The following PIEZO1 variants were observed in gnomAD, a reference collection of about 807,000 sequenced individuals.
PIEZO1 encodes piezo type mechanosensitive ion channel component 1 (Er blood group).
A neutral mutation model predicts 297.2 loss-of-function variants in PIEZO1; 296 were observed. The ratio of observed to expected loss-of-function variants is 1.00; its 90% CI spans 0.91 to 1.10. The LOEUF (loss-of-function observed/expected upper bound fraction) is 1.10, where lower values mean the gene tolerates loss of function less well. Among genes scored for constraint, PIEZO1 ranks in the 50% least tolerant of loss-of-function variants. The pLI, the probability that PIEZO1 is intolerant of heterozygous loss-of-function variation, is 0.00. For missense variants in PIEZO1, 5,018 were observed against 3,455.5 expected (o/e 1.45, Z -11.34); for synonymous variants, 2,427 against 1,507.5 (o/e 1.61, Z -14.13).
chr16:88,746,710 C>T (rs1906077516), intron 2 of PIEZO1, among the ~76,000 whole-genome samples: 1 of 152,266 alleles, frequency 6.6e-6, no homozygotes, highest in South Asian at 2.1e-4. Context: ...TCTGACGAGG[C>T]TCAGGCAGGG....
At chr16:88,756,183 C>T (rs2142875681) in intron 1 of PIEZO1, among the ~76,000 whole-genome samples, 1 of 152,296 alleles carries the variant, frequency 6.6e-6, no homozygotes, top group African/African-American at 2.4e-5. Context: ...GTCCACTCCT[C>T]ACGGGCACCA....
chr16:88,733,034 T>C, intron 19 of PIEZO1: 1 of 582,724 alleles, frequency 1.7e-6, no homozygotes, highest in East Asian at 2.8e-5. Context: ...CCTCCCGTCC[T>C]CACTGCCGGA....
At chr16:88,720,937 G>A (rs1912393216) in intron 39 of PIEZO1, among the ~76,000 whole-genome samples, 189 bp from the exon 40 acceptor site, 1 of 152,184 alleles carries the variant, frequency 6.6e-6, no homozygotes, top group East Asian at 1.9e-4. Context: ...ACTGTGAGGG[G>A]CCAGCCCAGG....
At chr16:88,767,090 C>A (rs541194403) in intron 1 of PIEZO1, among the ~76,000 whole-genome samples, 1 of 152,378 alleles carries the variant, frequency 6.6e-6, no homozygotes, top group African/African-American at 2.4e-5. Context: ...CTTCTCCGAT[C>A]GATTGGCTTC....
intron 1 of PIEZO1, among the ~76,000 whole-genome samples, chr16:88,759,680 G>C (rs898813056): frequency 6.6e-6 from 1 of 152,226 alleles, no homozygotes; most frequent in Non-Finnish European, 1.5e-5. Flanking sequence ...CCCAGACCCA[G>C]AGGGGCCATG....
chr16:88,784,842 C>G, intron 1 of PIEZO1, 59 bp downstream of exon 1: 1 of 1,240,486 alleles, frequency 8.1e-7, no homozygotes, highest in East Asian at 3.4e-5. Context: ...GTGTCCAGGC[C>G]GTGGGGAGCC....
chr16:88,767,870 C>A (rs1298164116), intron 1 of PIEZO1, among the ~76,000 whole-genome samples: 2 of 152,158 alleles, frequency 1.3e-5, no homozygotes, highest in African/African-American at 4.8e-5. Flanking sequence ...CACTGAAGGG[C>A]AAAACCCACA....
intron 44 of PIEZO1, chr16:88,718,733 G>C (rs1164992805): frequency 1.3e-5 from 2 of 152,318 alleles, no homozygotes; most frequent in South Asian, 2.1e-4. Flanking sequence ...TTTAGAGACA[G>C]GGTCTCACTC....
chr16:88,736,031 A>G (rs1905188913), intron 12 of PIEZO1, 117 bp downstream of exon 12: 2 of 1,042,990 alleles, frequency 1.9e-6, no homozygotes, highest in African/African-American at 1.6e-5. Flanking sequence ...GGGGACAGAC[A>G]GACACATCTG....
Position 88,732,345 on chromosome 16 carries a change from A to C in PIEZO1, c.2981T>G (p.Phe994Cys), listed in dbSNP as rs1249405005. 34 of 1,549,304 alleles carry C rather than the reference A, an allele frequency of 2.2e-5. No individual in the cohort carries two copies. Among genetic ancestry groups the C allele is most frequent in the Non-Finnish European group, 2.9e-5 (33 of 1,146,226 alleles). ...ATGTCCTTGCCTCACCTCCAGCCCG[A>C]ATTTGTAGAAGAAGAAGTTGATGAA... ...KYFINFFFYK[F>C]GLEICFLMAV... Residue 994 changes from phenylalanine (F) to cysteine (C), a missense_variant, in exon 21 of 51, where the codon TTC (phenylalanine) becomes TGC (cysteine). By Grantham distance (205) the Phe-to-Cys change is radical. Transcript: ENST00000301015.
In PIEZO1 at chr16:88,784,995, G is replaced by A. The variant is rs1446624088; in HGVS notation, c.-31C>T. On this transcript the variant is annotated 5_prime_UTR_variant, in exon 1 of 51. Transcript: ENST00000301015. ...GAGGGCCCAGGGCCCGGCCCAGACC[G>A]AGCGGACGCCGCGGCGCTATGGGGC... 6.6e-6 allele frequency: 8 copies of A among 1,221,336 alleles called. No individual in the cohort carries two copies. The highest frequency in any genetic ancestry group is 3.2e-5 in the African/African-American group (2 of 63,200). The allele number at this position is 1,221,336 out of a possible 1,614,324, so 75.7% of individuals were successfully genotyped here.
chr16:88,721,435 G>T lies in PIEZO1; in HGVS notation c.5404-5C>A, dbSNP rs1219825428. 13 of 1,544,264 alleles carry T rather than the reference G, an allele frequency of 8.4e-6. No individual in the cohort carries two copies. Among genetic ancestry groups the T allele is most frequent in the Admixed American group, 3.9e-5 (2 of 50,716 alleles). ...ATGGTCCCAGAGGCCATAGCACTGA[G>T]GGGCGGGAGGGTGTGGTGAGGGGGC... On this transcript the variant is annotated splice_polypyrimidine_tract_variant and splice_region_variant and intron_variant, in intron 38 of 50. Coordinates refer to ENST00000301015, the MANE Select transcript of PIEZO1 (RefSeq NM_001142864.4).
intron 1 of PIEZO1, among the ~76,000 whole-genome samples, chr16:88,780,683 G>A (rs1008660623): frequency 2.6e-5 from 4 of 152,222 alleles, no homozygotes; most frequent in East Asian, 3.8e-4. Flanking sequence ...ACTGTCAGCC[G>A]GGCGCGGTGG....
At position 88,720,209 on chromosome 16, in the gene PIEZO1, C is replaced by G. The variant is rs1215979901; in HGVS notation, c.6024G>C (p.Leu2008=). The G allele has an allele frequency of 4.5e-6, 7 of 1,550,592 alleles. No homozygotes were observed. The South Asian group carries it at 7.1e-5, about 16-fold the overall frequency. Residue 2008 remains leucine (L), a synonymous_variant, in exon 42 of 51, where the codon CTG becomes CTC. Coordinates refer to ENST00000301015, the MANE Select transcript of PIEZO1 (RefSeq NM_001142864.4). ...DQVPEAFLVM[L]LIQFSTMVVD... ...CCACCATGGTACTGAACTGGATCAG[C>G]AGCATGACCAGGAAAGCCTCGGGTA...
rs576329550 is a variant in PIEZO1, at chr16:88,728,265, T to G, written c.3197-604A>C. Among the ~76,000 whole-genome samples the G allele has an allele frequency of 4.6e-5, 7 of 152,360 alleles. No individual in the cohort carries two copies. The East Asian group carries it at 1.3e-3, about 29-fold the overall frequency. On this transcript the variant is annotated intron_variant, in intron 22 of 50. Transcript: ENST00000301015. ...TGGCACTGCCGGCCCCCGGCCACAC[T>G]TCCTGGGAGGCGTGTGAGGCAGGGA...
Position 88,778,586 on chromosome 16 carries a change from G to A in PIEZO1, c.64+6315C>T, listed in dbSNP as rs116338232. On this transcript the variant is annotated intron_variant, in intron 1 of 50. Coordinates refer to ENST00000301015, the MANE Select transcript of PIEZO1 (RefSeq NM_001142864.4). Reference sequence around the variant, plus strand: ...CGTCGGCCTAAGGGGCCCTGGCAGCGCCCGGCAGGACAGCCGTCCACTGCA... The same window carrying A: ...CGTCGGCCTAAGGGGCCCTGGCAGCACCCGGCAGGACAGCCGTCCACTGCA... Among the ~76,000 whole-genome samples, 1,302 of 152,320 alleles carry A rather than the reference G, an allele frequency of 8.5e-3. 28 individuals carry two copies. The highest frequency in any genetic ancestry group is 0.029 in the African/African-American group (1,223 of 41,552).
intron 1 of PIEZO1, among the ~76,000 whole-genome samples, chr16:88,776,475 G>C (rs1177081705): frequency 6.6e-6 from 1 of 152,136 alleles, no homozygotes; most frequent in South Asian, 2.1e-4. Context: ...CCAGGACCTG[G>C]TGGCTCAGGG....
intron 27 of PIEZO1, 174 bp from the exon 28 acceptor site, chr16:88,725,858 G>A: frequency 1.6e-6 from 1 of 607,446 alleles, no homozygotes; most frequent in South Asian, 2.0e-5. Context: ...GCTGTCTGCG[G>A]CGAGGACAGG....
chr16:88,725,305 G>A lies in PIEZO1; in HGVS notation c.4162+111C>T, dbSNP rs961820654. ...AGAGGGTGATCATGCGGACAGGACA[G>A]GCGGGCTGGGAGCCCTGTGGGACGT... On this transcript the variant is annotated intron_variant, in intron 29 of 50. Transcript: ENST00000301015. 5.3e-6 allele frequency: 4 copies of A among 751,224 alleles called. No homozygotes were observed. The African/African-American group carries it at 5.3e-5, about 10-fold the overall frequency. 46.5% of individuals were successfully genotyped at this position (751,224 alleles called of 1,614,324 possible). A position where few individuals can be genotyped will look rare whatever the true frequency, so the allele number is the denominator to read the frequency against.
Sources: gnomAD v4.1 joint callset for allele counts (sites outside exome capture counted in the v4.1 genomes callset) on GRCh38, gnomAD v4.1.1 for gene constraint, MANE v1.5 for transcripts, NCBI Gene and HGNC (gene_info 2026-07-23, HGNC 2026-07-21) for gene names.